The following MS4A4E variants were observed in gnomAD, a reference collection of about 807,000 sequenced individuals.
MS4A4E encodes the protein putative membrane-spanning 4-domains subfamily A member 4E.
In MS4A4E, 23 loss-of-function variants were observed where a neutral mutation model predicts 13.3. The observed-to-expected ratio is 1.73, with a 90% CI of 1.25 to 2.45. The LOEUF (loss-of-function observed/expected upper bound fraction) is 2.45, where lower values mean the gene tolerates loss of function less well. Among genes scored for constraint, MS4A4E ranks in the 30% most tolerant of loss-of-function variants. MS4A4E has a pLI of 0.00. For synonymous variants in MS4A4E, 36 were observed against 45.6 expected (o/e 0.79, Z 0.85); for missense variants, 144 against 131.2 (o/e 1.10, Z -0.48).
At chr11:60,214,466 C>G in intron 4 of MS4A4E, 105 bp downstream of exon 4, 1 of 725,812 alleles carries the variant, frequency 1.4e-6, no homozygotes, top group Admixed American at 3.8e-5. Flanking sequence ...CATAGTTGCT[C>G]CTGACTTTTT....
chr11:60,239,112 C>G (rs2084518069), intron 1 of MS4A4E, among the ~76,000 whole-genome samples: 1 of 152,192 alleles, frequency 6.6e-6, no homozygotes, highest in South Asian at 2.1e-4. Flanking sequence ...ATTCGCCAGA[C>G]TAGTGTAGTG....
chr11:60,240,997 T>TTTTATTTA (rs71036563), intron 1 of MS4A4E, among the ~76,000 whole-genome samples: 5 of 151,140 alleles, frequency 3.3e-5, no homozygotes, highest in African/African-American at 7.3e-5. Context: ...AATGTGTACT[T>TTTTATTTA]TTTATTTATT....
chr11:60,232,472 T>C lies in MS4A4E; in HGVS notation c.-16-2401A>G, dbSNP rs78671144. On this transcript the variant is annotated intron_variant, in intron 1 of 8. Coordinates refer to ENST00000651255, the MANE Select transcript of MS4A4E (RefSeq NM_001393391.1). ...AAAACACCTTTCTTCCATCACCCCT[T>C]CCCCCAGTTAGAACCAGCTCTGAGT... Among the ~76,000 whole-genome samples, 1,319 of 152,156 alleles carry C rather than the reference T, an allele frequency of 8.7e-3. 17 individuals carry two copies. The highest frequency in any genetic ancestry group is 0.03 in the African/African-American group (1,263 of 41,518).
chr11:60,211,461 T>C (rs891101188), intron 5 of MS4A4E, among the ~76,000 whole-genome samples: 1 of 152,122 alleles, frequency 6.6e-6, no homozygotes, highest in Non-Finnish European at 1.5e-5. Context: ...GTTGATTCTG[T>C]CTAGTAAGTT....
chr11:60,209,710 T>C (rs562756902), intron 5 of MS4A4E, among the ~76,000 whole-genome samples: 3 of 152,310 alleles, frequency 2.0e-5, no homozygotes, highest in Non-Finnish European at 4.4e-5. Context: ...TGGAGAACAA[T>C]TGGGCAGTAC....
intron 1 of MS4A4E, among the ~76,000 whole-genome samples, chr11:60,233,203 G>A (rs954344798): frequency 2.6e-5 from 4 of 152,142 alleles, no homozygotes; most frequent in African/African-American, 9.7e-5. Flanking sequence ...CACAGCCTGG[G>A]ATATTGCCAT....
Position 60,242,972 on chromosome 11 carries a change from G to T in MS4A4E, c.-31C>A. The T allele has an allele frequency of 6.3e-7, 1 of 1,578,886 alleles. No homozygotes were observed. The highest frequency in any genetic ancestry group is 8.7e-7 in the Non-Finnish European group (1 of 1,152,820). ...CCTGGACCTACCTTTCTTCAGGCCTGCAATGTCTGCTGCAGGTCTGATGAG... is the reference window on the plus strand; with the variant it reads ...CCTGGACCTACCTTTCTTCAGGCCTTCAATGTCTGCTGCAGGTCTGATGAG... On this transcript the variant is annotated 5_prime_UTR_variant, in exon 1 of 9. Transcript: ENST00000651255.
chr11:60,236,284 A>G (rs546891470), intron 1 of MS4A4E, among the ~76,000 whole-genome samples: 225 of 152,286 alleles, frequency 1.5e-3, no homozygotes, highest in African/African-American at 5.2e-3. Context: ...GACTATTCTG[A>G]GTCCCTTGTA....
intron 1 of MS4A4E, among the ~76,000 whole-genome samples, chr11:60,236,962 C>T (rs1488031587): frequency 6.6e-6 from 1 of 152,188 alleles, no homozygotes; most frequent in Non-Finnish European, 1.5e-5. Flanking sequence ...TCCTGAACTC[C>T]TGACCTCAGG....
At chr11:60,203,804 A>G (rs1293635867) in intron 8 of MS4A4E, among the ~76,000 whole-genome samples, 1 of 152,238 alleles carries the variant, frequency 6.6e-6, no homozygotes, top group African/African-American at 2.4e-5. Flanking sequence ...ATGTAGCAAA[A>G]GAAGGCAAAG....
rs534497256 is a variant in MS4A4E at position 60,225,645 on chromosome 11, T to C, written c.178+2949A>G. ...AAACAACTTATCAAAATTTATGGGA[T>C]GTAGTGAAAGCAGTGCTTAGAAAAA... On this transcript the variant is annotated intron_variant, in intron 3 of 8. Transcript: ENST00000651255. Among the ~76,000 whole-genome samples the C allele has an allele frequency of 3.9e-5, 6 of 152,262 alleles. 1 individual carries two copies. The highest frequency in any genetic ancestry group is 3.3e-4 in the Admixed American group (5 of 15,284).
chr11:60,214,467 C>T (rs1016201173), intron 4 of MS4A4E, 104 bp downstream of exon 4: 1 of 755,478 alleles, frequency 1.3e-6, no homozygotes, highest in Admixed American at 3.8e-5. Context: ...ATAGTTGCTC[C>T]TGACTTTTTT....
At chr11:60,210,509 G>T (rs1172723959) in intron 5 of MS4A4E, among the ~76,000 whole-genome samples, 2 of 152,218 alleles carry the variant, frequency 1.3e-5, no homozygotes, top group Non-Finnish European at 2.9e-5. Flanking sequence ...GTTAAGTATA[G>T]TTGATCATTG....
intron 1 of MS4A4E, among the ~76,000 whole-genome samples, chr11:60,241,098 A>C (rs1323546284): frequency 6.6e-6 from 1 of 152,100 alleles, no homozygotes; most frequent in East Asian, 1.9e-4. Context: ...ATCTCGGCTC[A>C]CTGCAAGCTC....
chr11:60,219,229 T>C (rs930150724), intron 3 of MS4A4E, among the ~76,000 whole-genome samples: 8 of 152,204 alleles, frequency 5.3e-5, no homozygotes, highest in Middle Eastern at 3.2e-3. Flanking sequence ...ATTGCCTTTC[T>C]CTGTATGCCA....
chr11:60,226,490 A>C (rs1590721571), intron 3 of MS4A4E, among the ~76,000 whole-genome samples: 1 of 152,352 alleles, frequency 6.6e-6, no homozygotes, highest in Middle Eastern at 3.4e-3. Context: ...ACATTCAAAA[A>C]TCAATGAATG....
At chr11:60,241,548 G>T (rs940158907) in intron 1 of MS4A4E, among the ~76,000 whole-genome samples, 1 of 152,092 alleles carries the variant, frequency 6.6e-6, no homozygotes, top group African/African-American at 2.4e-5. Flanking sequence ...GGTAACATAG[G>T]TCAGGTTCTG....
chr11:60,206,833 T>C (rs527271509), intron 6 of MS4A4E: 2 of 206,260 alleles, frequency 9.7e-6, no homozygotes, highest in East Asian at 2.3e-4. Context: ...CAGAGTTTAC[T>C]CTTTTCTTCT....
rs1001517570 is a variant in MS4A4E, at chr11:60,243,123, G to T, written c.-182C>A. ...GTAGATGTTTGGAACCTTAAAGGAT[G>T]TGTTGAGAACTTCTGAGACACACAA... On this transcript the variant is annotated 5_prime_UTR_variant, in exon 1 of 9. Transcript: ENST00000651255. The T allele has an allele frequency of 1.9e-6, 1 of 513,354 alleles. No homozygotes were observed. Among genetic ancestry groups the T allele is most frequent in the Non-Finnish European group, 3.3e-6 (1 of 298,824 alleles). 31.8% of individuals were successfully genotyped at this position (513,354 alleles called of 1,614,324 possible).
Sources: allele counts gnomAD v4.1 joint callset (sites outside exome capture counted in the v4.1 genomes callset), GRCh38; gene constraint gnomAD v4.1.1; transcripts MANE v1.5; gene names NCBI Gene and HGNC (gene_info 2026-07-23, HGNC 2026-07-21).